Variants in NUMB observed in about 807,000 individuals in gnomAD.
The protein encoded by NUMB is NUMB endocytic adaptor protein.
NUMB carries 29 observed loss-of-function variants against 59.7 expected under a neutral mutation model. That is an observed-to-expected ratio of 0.49 (90% CI 0.36 to 0.66). The LOEUF is 0.66. Among genes scored for constraint, NUMB ranks in the 30% least tolerant of loss-of-function variants. The probability of loss-of-function intolerance (pLI) is 0.00; values close to 1 mark genes in which losing one functional copy is unlikely to be tolerated. For missense variants in NUMB, 723 were observed against 822.0 expected (o/e 0.88, Z 1.47); for synonymous variants, 288 against 288.2 (o/e 1.00, Z 0.01).
chr14:73,296,966 G>A (rs1043844746), intron 7 of NUMB, among the ~76,000 whole-genome samples: 1 of 152,168 alleles, frequency 6.6e-6, no homozygotes, highest in South Asian at 2.1e-4. Flanking sequence ...TCAGGAGTTC[G>A]AGACCAGCCT....
At chr14:73,301,302 C>T (rs757060315) in intron 6 of NUMB, among the ~76,000 whole-genome samples, 12 of 152,186 alleles carry the variant, frequency 7.9e-5, no homozygotes, top group Non-Finnish European at 1.6e-4. Context: ...TGTTCAGTAT[C>T]TGAGGCAACA....
At chr14:73,376,513 TTCTA>T (rs1894953639) in intron 2 of NUMB, among the ~76,000 whole-genome samples, 1 of 148,150 alleles carries the variant, frequency 6.7e-6, no homozygotes, top group Non-Finnish European at 1.5e-5. Flanking sequence ...GACAAACTCA[TTCTA>T]AAGTTTATAT....
chr14:73,408,479 AAAC>A lies in NUMB; in HGVS notation c.-101+1455_-101+1457del, dbSNP rs59310956. Among the ~76,000 whole-genome samples the A allele has an allele frequency of 3.1e-4, 47 of 152,284 alleles. 1 individual carries two copies. In the East Asian group the frequency reaches 3.3e-3, roughly 11 times the overall value. On this transcript the variant is annotated intron_variant, in intron 2 of 12. Coordinates refer to ENST00000555238, the MANE Select transcript of NUMB (RefSeq NM_001005743.2). Reference sequence around the variant, plus strand: ...AGGCTTTGAACTAACGTGTTCTTAAAAACAACAACAACAAAACTCCAAACTACA... The same window carrying A: ...AGGCTTTGAACTAACGTGTTCTTAAAAACAACAACAAAACTCCAAACTACA...
intron 1 of NUMB, among the ~76,000 whole-genome samples, chr14:73,428,490 T>G (rs1397093053): frequency 6.6e-6 from 1 of 152,140 alleles, no homozygotes; most frequent in Admixed American, 6.5e-5. Flanking sequence ...CAAAGTCACA[T>G]AAGCAGAATC....
intron 1 of NUMB, among the ~76,000 whole-genome samples, chr14:73,421,169 T>G (rs1419391912): frequency 6.6e-6 from 1 of 152,030 alleles, no homozygotes; most frequent in Non-Finnish European, 1.5e-5. Flanking sequence ...GAAAGTTTTT[T>G]TTTGGTGTTT....
intron 6 of NUMB, chr14:73,297,791 T>C (rs1889878060): frequency 6.6e-6 from 1 of 152,500 alleles, no homozygotes; most frequent in African/African-American, 2.4e-5. Context: ...CACCTAAAAT[T>C]TTCACGTTAA....
chr14:73,440,210 G>GATATATATATATATATAT, intron 1 of NUMB, among the ~76,000 whole-genome samples: 1 of 33,798 alleles, frequency 3.0e-5, no homozygotes. Flanking sequence ...TATATATATG[G>GATATATATATATATATAT]ATATCCATAT....
intron 4 of NUMB, among the ~76,000 whole-genome samples, chr14:73,354,000 C>T (rs571918065): frequency 2.0e-5 from 3 of 151,970 alleles, no homozygotes; most frequent in Non-Finnish European, 4.4e-5. Context: ...GTAAACAAAG[C>T]TAAGTGATTA....
chr14:73,334,081 C>T (rs998207543), intron 4 of NUMB, among the ~76,000 whole-genome samples: 7 of 147,922 alleles, frequency 4.7e-5, no homozygotes, highest in African/African-American at 1.5e-4. Flanking sequence ...GATGGAGTTT[C>T]GTTCTTGTTT....
At chr14:73,413,364 C>T (rs993610880) in intron 1 of NUMB, among the ~76,000 whole-genome samples, 3 of 151,822 alleles carry the variant, frequency 2.0e-5, no homozygotes, top group Admixed American at 6.6e-5. Flanking sequence ...GGATTACAGG[C>T]GTGAGCCACT....
chr14:73,340,912 T>C (rs1032835631), intron 4 of NUMB, among the ~76,000 whole-genome samples: 3 of 152,230 alleles, frequency 2.0e-5, no homozygotes, highest in African/African-American at 4.8e-5. Flanking sequence ...TCCCCCATGC[T>C]GTTCTCGTGA....
chr14:73,438,525 G>A (rs982773452), intron 1 of NUMB, among the ~76,000 whole-genome samples: 2 of 151,466 alleles, frequency 1.3e-5, no homozygotes, highest in African/African-American at 4.9e-5. Flanking sequence ...CAGCTACATG[G>A]GAGGCCAAGG....
intron 1 of NUMB, among the ~76,000 whole-genome samples, chr14:73,435,051 CA>C (rs969209623): frequency 1.3e-5 from 2 of 151,400 alleles, no homozygotes; most frequent in African/African-American, 4.8e-5. Flanking sequence ...AGATATTCAC[CA>C]AAAAAAAGTA....
intron 6 of NUMB, among the ~76,000 whole-genome samples, chr14:73,312,670 T>C (rs1210997486): frequency 1.3e-5 from 2 of 148,470 alleles, no homozygotes; most frequent in Non-Finnish European, 3.0e-5. Context: ...GCCATCATTG[T>C]GCCACTGCAC....
At chr14:73,426,677 T>C (rs1225802603) in intron 1 of NUMB, among the ~76,000 whole-genome samples, 1 of 152,044 alleles carries the variant, frequency 6.6e-6, no homozygotes, top group Non-Finnish European at 1.5e-5. Context: ...TGAAACCCTG[T>C]CTCCACTAAA....
intron 1 of NUMB, among the ~76,000 whole-genome samples, chr14:73,451,818 G>A (rs2140210672): frequency 6.6e-6 from 1 of 152,276 alleles, no homozygotes; most frequent in East Asian, 1.9e-4. Flanking sequence ...GAGCTAAGCA[G>A]TATTCTACAG....
chr14:73,312,026 T>C (rs1466771100), intron 6 of NUMB, among the ~76,000 whole-genome samples: 1 of 152,182 alleles, frequency 6.6e-6, no homozygotes, highest in Non-Finnish European at 1.5e-5. Flanking sequence ...CCAAACTCTT[T>C]AAATGACTCA....
In NUMB at chr14:73,286,983, G is replaced by A. The variant is rs1184841999; in HGVS notation, c.655+127C>T. ...AGCGGTTTTTAAGATTTTCAACTTT[G>A]TTATAAGGTTTTATATTGCTAAGGG... On this transcript the variant is annotated intron_variant, in intron 9 of 12. Transcript: ENST00000555238. 5.5e-6 allele frequency: 5 copies of A among 904,952 alleles called. No homozygotes were observed. In the South Asian group the frequency reaches 7.0e-5, roughly 13 times the overall value. 56.1% of individuals were successfully genotyped at this position (904,952 alleles called of 1,614,324 possible).
At chr14:73,371,705 G>A (rs1026684077) in intron 2 of NUMB, among the ~76,000 whole-genome samples, 2 of 151,994 alleles carry the variant, frequency 1.3e-5, no homozygotes, top group Non-Finnish European at 2.9e-5. Flanking sequence ...AGGCCAGGAG[G>A]GCTACTCCCT....
Sources: gnomAD v4.1 joint callset for allele counts (sites outside exome capture counted in the v4.1 genomes callset) on GRCh38, gnomAD v4.1.1 for gene constraint, MANE v1.5 for transcripts, NCBI Gene and HGNC (gene_info 2026-07-23, HGNC 2026-07-21) for gene names.